C1orf21: variants seen among roughly 807,000 people sequenced by gnomAD.
C1orf21 encodes the protein uncharacterized protein C1orf21.
A neutral mutation model predicts 18.7 loss-of-function variants in C1orf21; 3 were observed. The observed-to-expected ratio is 0.16, with a 90% CI of 0.07 to 0.42. The LOEUF (loss-of-function observed/expected upper bound fraction) is 0.42, where lower values mean the gene tolerates loss of function less well. Ranked by LOEUF, C1orf21 falls within the 10% of genes least tolerant of loss-of-function variation. The pLI is 0.99. For synonymous variants in C1orf21, 41 were observed against 46.4 expected (o/e 0.88, Z 0.47); for missense variants, 104 against 143.6 (o/e 0.72, Z 1.41).
rs1277899546 is a variant in C1orf21, at chr1:184,622,314, G to A, written c.*2758G>A. 1 of 152,304 alleles carries A rather than the reference G, an allele frequency of 6.6e-6. No individual in the cohort carries two copies. The highest frequency in any genetic ancestry group is 2.4e-5 in the African/African-American group (1 of 41,452). The allele number at this position is 152,304 out of a possible 1,614,324, so 9.4% of individuals were successfully genotyped here. ...CAGAGAGGGTTGATAGGCTGGCCGT[G>A]TCCGGGGTGAAATTGGAAATCCAGC... On this transcript the variant is annotated 3_prime_UTR_variant, in exon 6 of 6. Transcript: ENST00000235307.
chr1:184,477,314 C>G, intron 1 of C1orf21, 72 bp from the exon 2 acceptor site: 1 of 562,174 alleles, frequency 1.8e-6, no homozygotes, highest in Non-Finnish European at 3.2e-6. Flanking sequence ...CAGGGCACAG[C>G]ACACCAACAT....
intron 2 of C1orf21, among the ~76,000 whole-genome samples, chr1:184,483,696 T>G (rs1051687733): frequency 1.3e-5 from 2 of 152,184 alleles, no homozygotes; most frequent in African/African-American, 4.8e-5. Context: ...TAACCTCCTT[T>G]ATTGCTTGTT....
rs1660048736 is a variant in C1orf21, at chr1:184,628,185, C to T, written c.*8629C>T. On this transcript the variant is annotated 3_prime_UTR_variant, in exon 6 of 6. Transcript: ENST00000235307. ...TAACCACTCTGCCTGCACATGAATT[C>T]TCCAAAGCAGTGGGCCCCCATCTGT... 1 of 152,214 alleles carries T rather than the reference C, an allele frequency of 6.6e-6. No homozygotes were observed. Among genetic ancestry groups the T allele is most frequent in the Non-Finnish European group, 1.5e-5 (1 of 68,052 alleles). The allele number at this position is 152,214 out of a possible 1,614,324, so 9.4% of individuals were successfully genotyped here. A position where few individuals can be genotyped will look rare whatever the true frequency, so the allele number is the denominator to read the frequency against.
intron 3 of C1orf21, among the ~76,000 whole-genome samples, chr1:184,524,168 G>A (rs1054911376): frequency 1.9e-4 from 29 of 152,250 alleles, no homozygotes; most frequent in African/African-American, 7.0e-4. Context: ...CCACAAGGGT[G>A]AGATCCTTGT....
intron 5 of C1orf21, among the ~76,000 whole-genome samples, chr1:184,616,797 A>G (rs963119189): frequency 1.3e-5 from 2 of 152,036 alleles, no homozygotes; most frequent in South Asian, 2.1e-4. Flanking sequence ...AGCACCCTCT[A>G]AACTCCACAT....
intron 1 of C1orf21, among the ~76,000 whole-genome samples, 170 bp from the exon 2 acceptor site, chr1:184,477,216 G>A (rs911765261): frequency 2.2e-4 from 33 of 152,130 alleles, no homozygotes; most frequent in African/African-American, 7.7e-4. Context: ...GAAATCAAGT[G>A]AGAATGGGCC....
At chr1:184,453,903 T>G (rs1412212571) in intron 1 of C1orf21, among the ~76,000 whole-genome samples, 1 of 152,238 alleles carries the variant, frequency 6.6e-6, no homozygotes, top group Non-Finnish European at 1.5e-5. Context: ...AGATTATATT[T>G]ACTCTTTCTT....
intron 3 of C1orf21, among the ~76,000 whole-genome samples, chr1:184,543,752 TG>T (rs1658691122): frequency 1.3e-5 from 2 of 152,208 alleles, no homozygotes; most frequent in South Asian, 4.1e-4. Flanking sequence ...TTATGGAACT[TG>T]GGGTTGCTGG....
intron 3 of C1orf21, among the ~76,000 whole-genome samples, chr1:184,523,053 A>T (rs1658327095): frequency 6.6e-6 from 1 of 152,264 alleles, no homozygotes; most frequent in Non-Finnish European, 1.5e-5. Flanking sequence ...GATGTAAATG[A>T]TTGAATAAAT....
chr1:184,477,386 G>T lies in C1orf21; in HGVS notation c.-124G>T. On this transcript the variant is annotated splice_region_variant and 5_prime_UTR_variant, in exon 2 of 6. Coordinates refer to ENST00000235307, the MANE Select transcript of C1orf21 (RefSeq NM_030806.4). Reference sequence around the variant, plus strand: ...CTAATCTAGCTTTCTTTTCTTGCAGGTGCACACATCTTGACCAACTCAGCA... The same window carrying T: ...CTAATCTAGCTTTCTTTTCTTGCAGTTGCACACATCTTGACCAACTCAGCA... 2 of 688,002 alleles carry T rather than the reference G, an allele frequency of 2.9e-6. No individual in the cohort carries two copies. Among genetic ancestry groups the T allele is most frequent in the Non-Finnish European group, 4.9e-6 (2 of 406,118 alleles). The allele number at this position is 688,002 out of a possible 1,614,324, so 42.6% of individuals were successfully genotyped here. A position where few individuals can be genotyped will look rare whatever the true frequency, so the allele number is the denominator to read the frequency against.
At chr1:184,452,423 G>A (rs182088830) in intron 1 of C1orf21, among the ~76,000 whole-genome samples, 1 of 152,314 alleles carries the variant, frequency 6.6e-6, no homozygotes, top group Non-Finnish European at 1.5e-5. Context: ...CAAGTTGGAG[G>A]TGGGTAACTG....
At chr1:184,463,608 A>G (rs16823197) in intron 1 of C1orf21, among the ~76,000 whole-genome samples, 24,990 of 152,254 alleles carry the variant, frequency 0.16, 2,368 homozygotes, top group Middle Eastern at 0.22. Flanking sequence ...GGATAGAATC[A>G]AAGACATCAA....
chr1:184,555,446 T>C (rs1435139291), intron 3 of C1orf21, among the ~76,000 whole-genome samples: 1 of 152,178 alleles, frequency 6.6e-6, no homozygotes, highest in African/African-American at 2.4e-5. Context: ...CAGATGCTGC[T>C]GCTTCTGTCA....
Position 184,469,969 on chromosome 1 carries a change from T to C in C1orf21, c.-124-7417T>C, listed in dbSNP as rs551529275. Among the ~76,000 whole-genome samples, 39 of 152,360 alleles carry C rather than the reference T, an allele frequency of 2.6e-4. No individual in the cohort carries two copies. In the South Asian group the frequency reaches 4.8e-3, roughly 19 times the overall value. On this transcript the variant is annotated intron_variant, in intron 1 of 5. Transcript: ENST00000235307. ...ACTATGTTTCAACATGTGGAGTGCC[T>C]AGGATGTTTTTCCATGGCTATTCTG...
At chr1:184,414,101 G>A (rs1373639814) in intron 1 of C1orf21, among the ~76,000 whole-genome samples, 1 of 152,158 alleles carries the variant, frequency 6.6e-6, no homozygotes, top group African/African-American at 2.4e-5. Flanking sequence ...CACCGGACCA[G>A]AGTTAAGAGT....
At chr1:184,473,021 C>T (rs1657516580) in intron 1 of C1orf21, among the ~76,000 whole-genome samples, 1 of 152,160 alleles carries the variant, frequency 6.6e-6, no homozygotes, top group Admixed American at 6.6e-5. Flanking sequence ...TAGGCTAGCT[C>T]ATGGTATCGT....
chr1:184,461,801 G>A lies in C1orf21; in HGVS notation c.-124-15585G>A, dbSNP rs142865186. ...CTTTGACGTACAAATAAACAGCCTC[G>A]CACGTTTCATTTATTTTTGCCGCTG... is the stretch of plus-strand genomic sequence containing the variant. On this transcript the variant is annotated intron_variant, in intron 1 of 5. Transcript: ENST00000235307. Among the ~76,000 whole-genome samples, 178 of 151,956 alleles carry A rather than the reference G, an allele frequency of 1.2e-3. 1 individual carries two copies. Among genetic ancestry groups the A allele is most frequent in the African/African-American group, 3.8e-3 (159 of 41,442 alleles).
At chr1:184,510,737 G>T (rs781332120) in intron 3 of C1orf21, among the ~76,000 whole-genome samples, 5 of 152,312 alleles carry the variant, frequency 3.3e-5, no homozygotes, top group Non-Finnish European at 5.9e-5. Context: ...CAGCCAAGAG[G>T]CCTAAAATTA....
chr1:184,411,907 T>G (rs1215522366), intron 1 of C1orf21: 1 of 152,200 alleles, frequency 6.6e-6, no homozygotes, highest in Non-Finnish European at 1.5e-5. Flanking sequence ...GCAGAGATGA[T>G]TGTATATTTA....
Sources: gnomAD v4.1 joint callset for allele counts (sites outside exome capture counted in the v4.1 genomes callset) on GRCh38, gnomAD v4.1.1 for gene constraint, MANE v1.5 for transcripts, NCBI Gene and HGNC (gene_info 2026-07-23, HGNC 2026-07-21) for gene names.